The following PPFIA2 variants were observed in gnomAD, a reference collection of about 807,000 sequenced individuals.
The protein encoded by PPFIA2 is liprin-alpha-2.
Under a neutral mutation model 175.5 loss-of-function variants are expected in PPFIA2, and 46 were observed. That is an observed-to-expected ratio of 0.26 (90% CI 0.21 to 0.34). The LOEUF (loss-of-function observed/expected upper bound fraction) is 0.34, where lower values mean the gene tolerates loss of function less well. PPFIA2 is among the 10% of genes least tolerant of loss of function. The pLI, the probability that PPFIA2 is intolerant of heterozygous loss-of-function variation, is 1.00. For missense variants in PPFIA2, 1,179 were observed against 1,506.1 expected (o/e 0.78, Z 3.60); for synonymous variants, 568 against 511.4 (o/e 1.11, Z -1.49).
At chr12:81,513,194 A>G (rs867597774) in intron 4 of PPFIA2, among the ~76,000 whole-genome samples, 1 of 152,092 alleles carries the variant, frequency 6.6e-6, no homozygotes, top group Non-Finnish European at 1.5e-5. Flanking sequence ...TTAAACCACA[A>G]TGAGATACCA....
At chr12:81,312,575 A>G (rs144934252) in intron 22 of PPFIA2, among the ~76,000 whole-genome samples, 30 of 152,340 alleles carry the variant, frequency 2.0e-4, no homozygotes, top group African/African-American at 7.2e-4. Context: ...AGATTTTTAT[A>G]TAGCTTTATA....
Position 81,269,630 on chromosome 12 carries a change from T to C in PPFIA2, c.3311-1543A>G, listed in dbSNP as rs528779105. 2.2e-4 allele frequency among the ~76,000 whole-genome samples: 33 copies of C among 152,342 alleles called. 1 individual carries two copies. The South Asian group carries it at 6.0e-3, about 28-fold the overall frequency. On this transcript the variant is annotated intron_variant, in intron 28 of 32. Transcript: ENST00000549396. ...CCCTCATGCAACTTCTCAGGCACCA[T>C]TCTCACCTAACAGTAACCAATATTC...
At chr12:81,273,504 CT>C (rs2136525631) in intron 28 of PPFIA2, among the ~76,000 whole-genome samples, 1 of 152,194 alleles carries the variant, frequency 6.6e-6, no homozygotes, top group South Asian at 2.1e-4. Context: ...TTTATCTATC[CT>C]TTCTATTTCT....
At chr12:81,315,804 A>G (rs2139352822) in intron 22 of PPFIA2, among the ~76,000 whole-genome samples, 1 of 151,860 alleles carries the variant, frequency 6.6e-6, no homozygotes, top group East Asian at 1.9e-4. Context: ...GCCTTTAAAG[A>G]TAAATATTTA....
chr12:81,599,932 G>T (rs1189022692), intron 4 of PPFIA2, among the ~76,000 whole-genome samples: 1 of 151,912 alleles, frequency 6.6e-6, no homozygotes, highest in African/African-American at 2.4e-5. Flanking sequence ...ATACCACAAA[G>T]GTGAAGTGTC....
At chr12:81,525,827 A>G (rs115628848) in intron 4 of PPFIA2, among the ~76,000 whole-genome samples, 2,172 of 152,290 alleles carry the variant, frequency 0.014, 58 homozygotes, top group African/African-American at 0.05. Flanking sequence ...TGAGATTCCA[A>G]ATTCCACAAA....
At chr12:81,293,540 AG>A (rs1454876817) in intron 24 of PPFIA2, among the ~76,000 whole-genome samples, 3 of 152,134 alleles carry the variant, frequency 2.0e-5, no homozygotes, top group African/African-American at 4.8e-5. Context: ...CATATAAAAA[AG>A]CTCAATATCA....
chr12:81,406,021 G>T, intron 7 of PPFIA2, 118 bp from the exon 8 acceptor site: 1 of 541,566 alleles, frequency 1.8e-6, no homozygotes. Flanking sequence ...ACCAGAAAGT[G>T]AACATTACAT....
At chr12:81,301,569 G>A (rs1594298861) in intron 22 of PPFIA2, among the ~76,000 whole-genome samples, 1 of 152,110 alleles carries the variant, frequency 6.6e-6, no homozygotes, top group South Asian at 2.1e-4. Context: ...TAACTTTTCT[G>A]TTCATAACTC....
chr12:81,656,366 C>A (rs2067793295), intron 4 of PPFIA2, among the ~76,000 whole-genome samples: 1 of 151,968 alleles, frequency 6.6e-6, no homozygotes, highest in African/African-American at 2.4e-5. Flanking sequence ...TATTTAAATT[C>A]TTGACCTGTT....
At chr12:81,618,829 G>A (rs1567595634) in intron 4 of PPFIA2, among the ~76,000 whole-genome samples, 1 of 150,612 alleles carries the variant, frequency 6.6e-6, no homozygotes, top group East Asian at 2.0e-4. Context: ...ACCGCGCCCG[G>A]CCCATGGCAC....
intron 3 of PPFIA2, among the ~76,000 whole-genome samples, chr12:81,677,768 T>C (rs1032386158): frequency 2.0e-5 from 3 of 151,916 alleles, no homozygotes; most frequent in Non-Finnish European, 4.4e-5. Flanking sequence ...AAGGTCATGC[T>C]TGAGTAATGA....
At position 81,353,148 on chromosome 12, in the gene PPFIA2, T is replaced by C. The variant is rs752477800; in HGVS notation, c.1965A>G (p.Glu655=). ...DAQTLAMMLQ[E]QLDAINKEIR... ...TTTCTTTGTTGATGGCATCCAATTG[T>C]TCCTGAAGCATCATGGCTAGCGTCT... is the stretch of plus-strand genomic sequence containing the variant. The change falls in exon 17 of 33, where the codon GAA becomes GAG. Residue 655 remains glutamate (E), a synonymous_variant. Coordinates refer to ENST00000549396, the MANE Select transcript of PPFIA2 (RefSeq NM_003625.5). The C allele has an allele frequency of 1.2e-6, 2 of 1,613,856 alleles. No individual in the cohort carries two copies. The highest frequency in any genetic ancestry group is 1.7e-5 in the Admixed American group (1 of 59,984).
chr12:81,277,829 A>G lies in PPFIA2; in HGVS notation c.3213-415T>C, dbSNP rs537755524. ...CTCTTCTTAAGCTGATGAGAAAAAT[A>G]ACACAAAACATAAGTAAGTGAGGTA... On this transcript the variant is annotated intron_variant, in intron 27 of 32. Coordinates refer to ENST00000549396, the MANE Select transcript of PPFIA2 (RefSeq NM_003625.5). 7.9e-5 allele frequency among the ~76,000 whole-genome samples: 12 copies of G among 152,322 alleles called. No individual in the cohort carries two copies. In the East Asian group the frequency reaches 2.3e-3, roughly 29 times the overall value.
chr12:81,575,302 C>T (rs1234632700), intron 4 of PPFIA2, among the ~76,000 whole-genome samples: 1 of 151,814 alleles, frequency 6.6e-6, no homozygotes, highest in Non-Finnish European at 1.5e-5. Context: ...TCTCACCACT[C>T]CTCTCATCAG....
At chr12:81,737,067 T>C (rs1352633085) in intron 3 of PPFIA2, among the ~76,000 whole-genome samples, 2 of 151,746 alleles carry the variant, frequency 1.3e-5, no homozygotes, top group African/African-American at 2.4e-5. Context: ...ACTAGAAAAA[T>C]TGGGTAATTT....
At chr12:81,368,315 T>C in intron 13 of PPFIA2, 1 of 457,550 alleles carries the variant, frequency 2.2e-6, no homozygotes, top group Non-Finnish European at 3.7e-6. Flanking sequence ...CACTTACATT[T>C]TGACTTTTAG....
chr12:81,411,992 A>G (rs1261380367), intron 7 of PPFIA2, among the ~76,000 whole-genome samples: 20 of 152,022 alleles, frequency 1.3e-4, no homozygotes, highest in Non-Finnish European at 1.9e-4. Flanking sequence ...GAAAATGTAA[A>G]TAACTATTGA....
At chr12:81,489,052 T>C (rs2059151098) in intron 4 of PPFIA2, among the ~76,000 whole-genome samples, 2 of 151,856 alleles carry the variant, frequency 1.3e-5, no homozygotes. Context: ...GGACCAGATA[T>C]ACCATTTACC....
Sources: allele counts gnomAD v4.1 joint callset (sites outside exome capture counted in the v4.1 genomes callset), GRCh38; gene constraint gnomAD v4.1.1; transcripts MANE v1.5; gene names NCBI Gene and HGNC (gene_info 2026-07-23, HGNC 2026-07-21).